The following PACRG variants were observed in gnomAD, a reference collection of about 807,000 sequenced individuals.
The protein encoded by PACRG is parkin coregulated gene protein.
PACRG carries 29 observed loss-of-function variants against 29.7 expected under a neutral mutation model. The observed-to-expected ratio is 0.98, with a 90% CI of 0.73 to 1.33. The LOEUF is 1.33. Ranked by LOEUF, PACRG falls within the 40% of genes most tolerant of loss-of-function variation. The pLI is 0.00. For missense variants in PACRG, 279 were observed against 316.2 expected (o/e 0.88, Z 0.89); for synonymous variants, 116 against 118.7 (o/e 0.98, Z 0.15).
At chr6:162,778,570 G>A (rs1584324035) in intron 1 of PACRG, among the ~76,000 whole-genome samples, 1 of 152,016 alleles carries the variant, frequency 6.6e-6, no homozygotes, top group Non-Finnish European at 1.5e-5. Context: ...TTACCTTTAT[G>A]TACTCACTCA....
rs769158760 is a variant in PACRG, at chr6:162,728,311, C to A, written c.76C>A (p.Gln26Lys). ...KMPKRTKLLA[Q>K]QPLPVHQPHS... ...GCCGAAGAGGACCAAGCTGCTGGCA[C>A]AACAGCCGCTCCCGGTGCACCAGCC... The change falls in exon 1 of 5, where the codon CAA becomes AAA. Residue 26 changes from glutamine to lysine, a missense_variant. By Grantham distance (53) the Gln-to-Lys change is moderately conservative. Coordinates refer to ENST00000366888, the MANE Select transcript of PACRG (RefSeq NM_001080379.2). The A allele has an allele frequency of 6.2e-7, 1 of 1,614,032 alleles. No individual in the cohort carries two copies. The highest frequency in any genetic ancestry group is 1.3e-5 in the African/African-American group (1 of 75,038).
At chr6:163,303,507 G>A (rs924378123) in intron 4 of PACRG, among the ~76,000 whole-genome samples, 4 of 152,180 alleles carry the variant, frequency 2.6e-5, no homozygotes, top group African/African-American at 9.7e-5. Context: ...TGTAGAGGTG[G>A]TTACAATTAT....
chr6:163,271,127 G>C (rs1783809355), intron 4 of PACRG, among the ~76,000 whole-genome samples: 1 of 152,132 alleles, frequency 6.6e-6, no homozygotes, highest in Non-Finnish European at 1.5e-5. Context: ...CTTGGAGTCT[G>C]ATGTTCTAGG....
At chr6:163,008,144 A>T (rs1255834981) in intron 2 of PACRG, among the ~76,000 whole-genome samples, 2 of 152,092 alleles carry the variant, frequency 1.3e-5, no homozygotes, top group Admixed American at 1.3e-4. Flanking sequence ...ATCCTTTTAG[A>T]GTCCAAGTTT....
In PACRG at chr6:163,068,958, C is replaced by G. The variant is rs565276263; in HGVS notation, c.463+6637C>G. On this transcript the variant is annotated intron_variant, in intron 3 of 4. Transcript: ENST00000366888. ...GACTTATTCAGTAAAAATAAATTTT[C>G]CCTTTGCTACCATTTCAGACTTTCT... Among the ~76,000 whole-genome samples the G allele has an allele frequency of 1.2e-4, 19 of 152,070 alleles. No homozygotes were observed. In the South Asian group the frequency reaches 2.5e-3, roughly 20 times the overall value.
At chr6:162,814,853 G>A (rs995422563) in intron 2 of PACRG, among the ~76,000 whole-genome samples, 2 of 152,146 alleles carry the variant, frequency 1.3e-5, no homozygotes, top group South Asian at 2.1e-4. Flanking sequence ...ATTACAGCAC[G>A]GACATTTTTC....
At chr6:163,290,262 A>G (rs1784543025) in intron 4 of PACRG, among the ~76,000 whole-genome samples, 1 of 137,566 alleles carries the variant, frequency 7.3e-6, no homozygotes, top group Non-Finnish European at 1.5e-5. Flanking sequence ...ACATGTGCGC[A>G]TGCACGCGCG....
intron 3 of PACRG, among the ~76,000 whole-genome samples, chr6:163,088,001 G>T (rs1443758803): frequency 2.0e-5 from 3 of 152,184 alleles, no homozygotes; most frequent in Admixed American, 2.0e-4. Context: ...CTTTGACCTG[G>T]AGTGACTGGG....
At chr6:163,131,614 C>A (rs1037349133) in intron 4 of PACRG, among the ~76,000 whole-genome samples, 19 of 152,100 alleles carry the variant, frequency 1.2e-4, no homozygotes, top group African/African-American at 2.4e-5. Flanking sequence ...TTTTAAGTCA[C>A]CAGGTTTGTG....
chr6:163,123,267 C>G (rs1227491562), intron 4 of PACRG, among the ~76,000 whole-genome samples: 5 of 152,188 alleles, frequency 3.3e-5, no homozygotes, highest in Non-Finnish European at 5.9e-5. Flanking sequence ...GGCATGATGT[C>G]CTGCACACGT....
chr6:162,934,273 T>C (rs559290280), intron 2 of PACRG, among the ~76,000 whole-genome samples: 1 of 144,322 alleles, frequency 6.9e-6, no homozygotes, highest in Non-Finnish European at 1.5e-5. Flanking sequence ...AAAAAAAAAA[T>C]AAATAAATGA....
chr6:163,277,002 G>A (rs1784050674), intron 4 of PACRG, among the ~76,000 whole-genome samples: 1 of 152,190 alleles, frequency 6.6e-6, no homozygotes, highest in African/African-American at 2.4e-5. Context: ...CTGTTTCAGT[G>A]TATTCGCTGT....
At chr6:162,983,366 C>G (rs1055525342) in intron 2 of PACRG, among the ~76,000 whole-genome samples, 7 of 151,632 alleles carry the variant, frequency 4.6e-5, no homozygotes, top group Non-Finnish European at 7.4e-5. Context: ...TGCCTAAATA[C>G]CTTATTTTTT....
In PACRG at chr6:163,269,902, G is replaced by GAAAGAAAAC. The variant is rs1562349712; in HGVS notation, c.614-44918_614-44917insACAAAGAAA. On this transcript the variant is annotated intron_variant, in intron 4 of 4. Coordinates refer to ENST00000366888, the MANE Select transcript of PACRG (RefSeq NM_001080379.2). ...GAAAGAAAGAAAGAAAACAAAGAAA[G>GAAAGAAAAC]AAAGAAAGAAAGAAAGAAAGAAAGA... Among the ~76,000 whole-genome samples, 12 of 64,114 alleles carry GAAAGAAAAC rather than the reference G, an allele frequency of 1.9e-4. 2 individuals are homozygous for GAAAGAAAAC. The highest frequency in any genetic ancestry group is 3.7e-4 in the African/African-American group (4 of 10,806). The allele number at this position is 64,114 out of a possible 152,430, so 42.1% of individuals were successfully genotyped here. A position where few individuals can be genotyped will look rare whatever the true frequency, so the allele number is the denominator to read the frequency against.
At chr6:162,933,897 A>G (rs1798048216) in intron 2 of PACRG, among the ~76,000 whole-genome samples, 1 of 152,152 alleles carries the variant, frequency 6.6e-6, no homozygotes. Flanking sequence ...ACATAGTGAG[A>G]GGGGAAACAA....
intron 2 of PACRG, among the ~76,000 whole-genome samples, chr6:163,022,641 C>T (rs900821529): frequency 6.6e-6 from 1 of 152,198 alleles, no homozygotes; most frequent in Admixed American, 6.5e-5. Flanking sequence ...AGTGAGTCAT[C>T]AGTTATTACA....
intron 1 of PACRG, among the ~76,000 whole-genome samples, chr6:162,747,351 TATATATATATATAC>T (rs1486791027): frequency 1.3e-5 from 1 of 76,742 alleles, no homozygotes; most frequent in Non-Finnish European, 2.3e-5. Flanking sequence ...TATATATATA[TATATATATATATAC>T]ACATACATAT....
At chr6:163,086,045 G>T (rs1425274381) in intron 3 of PACRG, among the ~76,000 whole-genome samples, 2 of 152,198 alleles carry the variant, frequency 1.3e-5, no homozygotes, top group African/African-American at 4.8e-5. Flanking sequence ...TTAGCTACAG[G>T]TGCTGTGAAT....
chr6:163,024,552 A>G (rs1806942483), intron 2 of PACRG, among the ~76,000 whole-genome samples: 1 of 152,188 alleles, frequency 6.6e-6, no homozygotes, highest in Non-Finnish European at 1.5e-5. Context: ...CGCTTTGGCT[A>G]TTCAGGCTCT....
Sources: gnomAD v4.1 joint callset for allele counts (sites outside exome capture counted in the v4.1 genomes callset) on GRCh38, gnomAD v4.1.1 for gene constraint, MANE v1.5 for transcripts, NCBI Gene and HGNC (gene_info 2026-07-23, HGNC 2026-07-21) for gene names.